The following ZBBX variants were observed in gnomAD, a reference collection of about 807,000 sequenced individuals.
The protein encoded by ZBBX is zinc finger B-box domain containing.
ZBBX carries 101 observed loss-of-function variants against 108.5 expected under a neutral mutation model. The ratio of observed to expected loss-of-function variants is 0.93; its 90% confidence interval spans 0.79 to 1.10. The LOEUF is 1.10. Among genes scored for constraint, ZBBX ranks in the 50% least tolerant of loss-of-function variants. The pLI, the probability that ZBBX is intolerant of heterozygous loss-of-function variation, is 0.00. For missense variants in ZBBX, 1,009 were observed against 941.4 expected (o/e 1.07, Z -0.94); for synonymous variants, 356 against 323.4 (o/e 1.10, Z -1.08).
intron 20 of ZBBX, among the ~76,000 whole-genome samples, chr3:167,249,076 G>A (rs778751987): frequency 1.1e-4 from 17 of 152,240 alleles, no homozygotes; most frequent in Non-Finnish European, 2.4e-4. Flanking sequence ...CCTCTGGAGT[G>A]TATTCTGAAC....
intron 20 of ZBBX, among the ~76,000 whole-genome samples, chr3:167,273,226 G>A (rs1446886804): frequency 1.3e-5 from 2 of 152,108 alleles, no homozygotes; most frequent in Non-Finnish European, 2.9e-5. Flanking sequence ...ATTGAAACAG[G>A]ATATCAAGAT....
the ZBBX span, among the ~76,000 whole-genome samples, chr3:167,191,652 C>A: frequency 6.6e-6 from 1 of 151,706 alleles, no homozygotes; most frequent in South Asian, 2.1e-4. Flanking sequence ...GTGAAGCCTC[C>A]CCAGCCACGT....
chr3:167,279,903 T>C (rs1728450388), intron 20 of ZBBX, among the ~76,000 whole-genome samples: 1 of 151,928 alleles, frequency 6.6e-6, no homozygotes, highest in African/African-American at 2.4e-5. Context: ...AACAGAGATA[T>C]ATATCAATGG....
intron 9 of ZBBX, among the ~76,000 whole-genome samples, chr3:167,343,826 T>G (rs1157234400): frequency 6.6e-6 from 1 of 151,740 alleles, no homozygotes; most frequent in Non-Finnish European, 1.5e-5. Context: ...CTCAAACAAT[T>G]AAAAATGGAG....
At chr3:167,206,224 A>C in the ZBBX span, among the ~76,000 whole-genome samples, 1 of 152,050 alleles carries the variant, frequency 6.6e-6, no homozygotes, top group Non-Finnish European at 1.5e-5. Context: ...CATAAGTTAG[A>C]TCATATAGTA....
chr3:167,338,463 C>T (rs1739954356), intron 9 of ZBBX, among the ~76,000 whole-genome samples: 3 of 151,932 alleles, frequency 2.0e-5, no homozygotes, highest in African/African-American at 2.4e-5. Flanking sequence ...TCATCCAAAA[C>T]TCTGGCTATC....
the ZBBX span, among the ~76,000 whole-genome samples, chr3:167,209,003 A>C: frequency 6.6e-6 from 1 of 152,220 alleles, no homozygotes; most frequent in South Asian, 2.1e-4. Context: ...TTGGGTCTTG[A>C]GTTAACATAG....
At chr3:167,348,417 AAG>A (rs1333751065) in intron 9 of ZBBX, among the ~76,000 whole-genome samples, 2 of 97,642 alleles carry the variant, frequency 2.0e-5, no homozygotes, top group East Asian at 3.7e-4. Context: ...GAGAGAGAGA[AAG>A]AGAAGAGGGA....
the ZBBX span, among the ~76,000 whole-genome samples, chr3:167,182,291 A>G: frequency 6.6e-6 from 1 of 152,126 alleles, no homozygotes; most frequent in Non-Finnish European, 1.5e-5. Context: ...ATAATCAACT[A>G]AATGCACTTT....
intron 8 of ZBBX, among the ~76,000 whole-genome samples, chr3:167,355,554 CATAG>C (rs1030468098): frequency 3.3e-5 from 5 of 151,428 alleles, no homozygotes; most frequent in African/African-American, 9.7e-5. Context: ...TATCTATATA[CATAG>C]ATATATATAT....
chr3:167,184,791 A>G, the ZBBX span, among the ~76,000 whole-genome samples: 2 of 152,206 alleles, frequency 1.3e-5, no homozygotes, highest in Non-Finnish European at 2.9e-5. Context: ...AAATTTGGTA[A>G]TACAGCCCAT....
chr3:167,386,751 C>A (rs999659704), intron 1 of ZBBX, among the ~76,000 whole-genome samples: 3 of 151,992 alleles, frequency 2.0e-5, no homozygotes, highest in African/African-American at 7.2e-5. Flanking sequence ...CTGGTCCTTG[C>A]CAAGTTTCAA....
In ZBBX at chr3:167,404,608, A is replaced by T. The variant is rs115530951; in HGVS notation, c.-446+3118T>A. Among the ~76,000 whole-genome samples the T allele has an allele frequency of 1.7e-3, 262 of 152,306 alleles. 2 individuals carry two copies. The highest frequency in any genetic ancestry group is 5.9e-3 in the African/African-American group (247 of 41,554). On this transcript the variant is annotated intron_variant, in intron 1 of 21. Transcript: ENST00000455345. ...GAAGGACAACAGAAGGGACAAGGAA[A>T]AGAAGTTGGTCAACAGACAGCAGGT...
chr3:167,221,477 G>T, the ZBBX span, among the ~76,000 whole-genome samples: 1 of 151,850 alleles, frequency 6.6e-6, no homozygotes, highest in African/African-American at 2.4e-5. Flanking sequence ...ACAGAAGAAT[G>T]AAATTAGACT....
At chr3:167,310,911 T>C (rs1422984861) in intron 16 of ZBBX, among the ~76,000 whole-genome samples, 6 of 152,180 alleles carry the variant, frequency 3.9e-5, no homozygotes, top group African/African-American at 1.4e-4. Flanking sequence ...TGTTAAGATA[T>C]TTTTTCCCAA....
At chr3:167,392,821 G>C (rs899569266) in intron 1 of ZBBX, 1 of 151,856 alleles carries the variant, frequency 6.6e-6, no homozygotes, top group Non-Finnish European at 1.5e-5. Flanking sequence ...GCTATTAACT[G>C]ATTTGACATG....
downstream of ZBBX, among the ~76,000 whole-genome samples, chr3:167,238,052 A>T (rs1421406098): frequency 3.3e-5 from 5 of 152,022 alleles, no homozygotes; most frequent in African/African-American, 1.2e-4. Flanking sequence ...ATCACAAGGG[A>T]AAAGGAAGAT....
chr3:167,328,202 TA>T, intron 10 of ZBBX, 86 bp from the exon 11 acceptor site: 1 of 1,341,106 alleles, frequency 7.5e-7, no homozygotes, highest in African/African-American at 1.5e-5. Flanking sequence ...TTCTGTGTTT[TA>T]AAATACAGGT....
At chr3:167,382,110 A>G (rs1747767899), upstream of ZBBX, among the ~76,000 whole-genome samples, 1 of 152,232 alleles carries the variant, frequency 6.6e-6, no homozygotes. Context: ...ACACAATAGT[A>G]AAATTAAACT....
Sources: allele counts gnomAD v4.1 joint callset (sites outside exome capture counted in the v4.1 genomes callset), GRCh38; gene constraint gnomAD v4.1.1; transcripts MANE v1.5; gene names NCBI Gene and HGNC (gene_info 2026-07-23, HGNC 2026-07-21).